SMG6: variants seen among roughly 807,000 people sequenced by gnomAD.
SMG6 encodes the protein SMG6 nonsense mediated mRNA decay factor.
Under a neutral mutation model 142.2 loss-of-function variants are expected in SMG6, and 66 were observed. That is an observed-to-expected ratio of 0.46 (90% CI 0.38 to 0.57). SMG6 has a LOEUF of 0.57. SMG6 is among the 20% of genes least tolerant of loss of function. The pLI, the probability that SMG6 is intolerant of heterozygous loss-of-function variation, is 0.00. For synonymous variants in SMG6, 779 were observed against 702.4 expected (o/e 1.11, Z -1.72); for missense variants, 1,793 against 1,832.0 (o/e 0.98, Z 0.39).
chr17:2,276,534 G>A (rs1254238097), intron 8 of SMG6, among the ~76,000 whole-genome samples: 4 of 151,944 alleles, frequency 2.6e-5, no homozygotes, highest in East Asian at 1.9e-4. Flanking sequence ...ACAGGCATAC[G>A]TCATCACACC....
At chr17:2,265,095 A>G (rs2074391880) in intron 8 of SMG6, among the ~76,000 whole-genome samples, 1 of 152,112 alleles carries the variant, frequency 6.6e-6, no homozygotes, top group Non-Finnish European at 1.5e-5. Flanking sequence ...TCAAGCTTCA[A>G]AAGTAGTGGT....
rs143946072 is a variant in SMG6 at position 2,170,237 on chromosome 17, C to T, written c.3357+2421G>A. Among the ~76,000 whole-genome samples the T allele has an allele frequency of 5.6e-3, 860 of 152,290 alleles. 4 individuals carry two copies. Among genetic ancestry groups the T allele is most frequent in the African/African-American group, 0.02 (813 of 41,552 alleles). On this transcript the variant is annotated intron_variant, in intron 13 of 18. Coordinates refer to ENST00000263073, the MANE Select transcript of SMG6 (RefSeq NM_017575.5). Reference sequence around the variant, plus strand: ...ACTGCCCCCTAGGTAGCCTGTGGATCACTACATAGGCTGAGGGCTGGTCTG... The same window carrying T: ...ACTGCCCCCTAGGTAGCCTGTGGATTACTACATAGGCTGAGGGCTGGTCTG...
chr17:2,100,373 A>G (rs960306457), intron 13 of SMG6, among the ~76,000 whole-genome samples: 1 of 152,080 alleles, frequency 6.6e-6, no homozygotes, highest in African/African-American at 2.4e-5. Flanking sequence ...GGTTTTCACC[A>G]CATTGGCCAG....
chr17:2,116,354 C>G (rs2069506635), intron 13 of SMG6, among the ~76,000 whole-genome samples: 1 of 152,160 alleles, frequency 6.6e-6, no homozygotes, highest in African/African-American at 2.4e-5. Flanking sequence ...GTTGAGATTA[C>G]AGGCATGAGC....
intron 4 of SMG6, among the ~76,000 whole-genome samples, chr17:2,295,842 T>C (rs914905450): frequency 7.9e-5 from 12 of 152,216 alleles, no homozygotes; most frequent in African/African-American, 1.9e-4. Flanking sequence ...CTCTTTCCTT[T>C]GCAGCCACTC....
In SMG6 at chr17:2,236,564, G is replaced by A; in HGVS notation, c.2797C>T (p.Pro933Ser). The A allele has an allele frequency of 6.2e-7, 1 of 1,613,732 alleles. No homozygotes were observed. The highest frequency in any genetic ancestry group is 1.7e-5 in the Admixed American group (1 of 59,960). ...TGCAGCATGCGGGTACTTCCAATGG[G>A]AGAGGGGCTGTGCTGCAGTAACACC... Reference protein sequence around the residue: ...FQVLLQHSPSPIGSTRMLQLM... With the variant: ...FQVLLQHSPSSIGSTRMLQLM... Residue 933 changes from proline (P) to serine (S), a missense_variant, in exon 10 of 19, where the codon CCC (proline) becomes TCC (serine). Physicochemically the swap from Pro to Ser is moderately conservative, Grantham distance 74 (BLOSUM62 -1). Coordinates refer to ENST00000263073, the MANE Select transcript of SMG6 (RefSeq NM_017575.5).
chr17:2,299,185 G>C lies in SMG6; in HGVS notation c.1568C>G (p.Thr523Arg). The change falls in exon 2 of 19, where the codon ACG becomes AGG. Residue 523 changes from threonine to arginine, a missense_variant. Thr to Arg is a moderately conservative substitution (Grantham distance 71, BLOSUM62 -1). This residue lies in a region of SMG6 where 1,597 missense variants were observed against 1,584.6 expected (regional missense o/e 1.01). Coordinates refer to ENST00000263073, the MANE Select transcript of SMG6 (RefSeq NM_017575.5). The surrounding 1 kb of genome is among the most constrained non-coding windows in gnomAD (Gnocchi z 4.3). ...TGGGTACTGTAGAGGGTTATAGCCC[G>C]TATAGGGATACTGGGAGGCAGGGCC... is the stretch of plus-strand genomic sequence containing the variant. ...TPGPASQYPYTGYNPLQYPVG... is the reference protein window; with the variant it reads ...TPGPASQYPYRGYNPLQYPVG... 1 of 1,613,380 alleles carries C rather than the reference G, an allele frequency of 6.2e-7. No individual in the cohort carries two copies. Among genetic ancestry groups the C allele is most frequent in the South Asian group, 1.1e-5 (1 of 91,006 alleles).
chr17:2,147,995 G>C (rs922455206), intron 13 of SMG6, among the ~76,000 whole-genome samples: 7 of 152,108 alleles, frequency 4.6e-5, no homozygotes, highest in African/African-American at 1.4e-4. Flanking sequence ...TTCGACACCA[G>C]CCTGGGCAAC....
intron 13 of SMG6, chr17:2,088,899 G>A: frequency 1.3e-5 from 12 of 932,332 alleles, no homozygotes; most frequent in Non-Finnish European, 1.5e-5. Flanking sequence ...AGTTCTGTAG[G>A]AGACTTACGG....
chr17:2,189,006 C>T (rs1567670115), intron 10 of SMG6, among the ~76,000 whole-genome samples: 1 of 152,164 alleles, frequency 6.6e-6, no homozygotes, highest in South Asian at 2.1e-4. Context: ...TCTTGAATCA[C>T]CAACCTTTAG....
At chr17:2,075,507 A>G (rs1032845462) in intron 15 of SMG6, among the ~76,000 whole-genome samples, 1 of 152,220 alleles carries the variant, frequency 6.6e-6, no homozygotes, top group Non-Finnish European at 1.5e-5. Context: ...AAATCACAGC[A>G]AAGCCTCAGA....
At chr17:2,159,625 A>G (rs2071113161) in intron 13 of SMG6, among the ~76,000 whole-genome samples, 1 of 152,240 alleles carries the variant, frequency 6.6e-6, no homozygotes, top group Non-Finnish European at 1.5e-5. Flanking sequence ...AGCTTCTTTT[A>G]AAGTTAGATA....
Position 2,219,328 on chromosome 17 carries a change from T to C in SMG6, c.2869+17164A>G, listed in dbSNP as rs564904476. ...TGAACCTGGGAGGTGGAGGTTGCAG[T>C]GAGCCGAGATCGCGCCAACACACTC... On this transcript the variant is annotated intron_variant, in intron 10 of 18. Transcript: ENST00000263073. 9.2e-5 allele frequency among the ~76,000 whole-genome samples: 14 copies of C among 152,142 alleles called. No individual in the cohort carries two copies. The East Asian group carries it at 2.3e-3, about 25-fold the overall frequency.
chr17:2,256,228 A>C (rs2074176173), intron 8 of SMG6: 1 of 152,288 alleles, frequency 6.6e-6, no homozygotes, highest in African/African-American at 2.4e-5. Context: ...AAGAAAACTT[A>C]GGGTTTTTTT....
chr17:2,278,373 T>C (rs991463266), intron 8 of SMG6, among the ~76,000 whole-genome samples: 1 of 152,022 alleles, frequency 6.6e-6, no homozygotes, highest in Non-Finnish European at 1.5e-5. Flanking sequence ...CAGGTAACTT[T>C]TTTGTATTTT....
At chr17:2,152,314 T>G (rs1284181181) in intron 13 of SMG6, among the ~76,000 whole-genome samples, 1 of 152,254 alleles carries the variant, frequency 6.6e-6, no homozygotes, top group East Asian at 1.9e-4. Flanking sequence ...TTCTGCTGAC[T>G]AAGGTCTCAA....
chr17:2,073,470 G>GA (rs2068167138), intron 15 of SMG6, among the ~76,000 whole-genome samples: 2 of 151,912 alleles, frequency 1.3e-5, no homozygotes, highest in Admixed American at 6.5e-5. Flanking sequence ...CAGCACTTTG[G>GA]GAGGCCAAGG....
chr17:2,128,289 TTA>T (rs2069971964), intron 13 of SMG6, among the ~76,000 whole-genome samples: 4 of 152,156 alleles, frequency 2.6e-5, no homozygotes, highest in African/African-American at 9.7e-5. Flanking sequence ...ATGGTAAATT[TTA>T]TGTTGTGTAT....
At chr17:2,083,956 G>A (rs189352697) in intron 14 of SMG6, among the ~76,000 whole-genome samples, 22 of 152,322 alleles carry the variant, frequency 1.4e-4, no homozygotes, top group Non-Finnish European at 3.1e-4. Flanking sequence ...TGGGCAGCCT[G>A]GTGTGGGTCA....
Sources: allele counts gnomAD v4.1 joint callset (sites outside exome capture counted in the v4.1 genomes callset), GRCh38; gene constraint gnomAD v4.1.1; regional missense constraint gnomAD v4.1.1; non-coding constraint Gnocchi (gnomAD v3.1); transcripts MANE v1.5; gene names NCBI Gene and HGNC (gene_info 2026-07-23, HGNC 2026-07-21).